CCDC63: variants seen among roughly 807,000 people sequenced by gnomAD.
CCDC63 encodes the protein coiled-coil domain-containing protein 63.
Under a neutral mutation model 63.6 loss-of-function variants are expected in CCDC63, and 54 were observed. The observed-to-expected ratio is 0.85, with a 90% confidence interval of 0.68 to 1.07. The LOEUF (loss-of-function observed/expected upper bound fraction) is 1.07, where lower values mean the gene tolerates loss of function less well. Ranked by LOEUF, CCDC63 falls within the 50% of genes least tolerant of loss-of-function variation. CCDC63 has a pLI of 0.00. For missense variants in CCDC63, 637 were observed against 689.6 expected (o/e 0.92, Z 0.86); for synonymous variants, 253 against 266.1 (o/e 0.95, Z 0.48).
intron 8 of CCDC63, among the ~76,000 whole-genome samples, chr12:110,890,773 CTTTTTTTTT>C (rs769120162): frequency 5.1e-5 from 5 of 98,400 alleles, no homozygotes; most frequent in African/African-American, 1.2e-4. Flanking sequence ...TCCTCCTTTT[CTTTTTTTTT>C]TTTTTTTTTT....
intron 3 of CCDC63, among the ~76,000 whole-genome samples, chr12:110,857,281 C>A (rs112189206): frequency 0.054 from 8,164 of 151,826 alleles, 427 homozygotes; most frequent in African/African-American, 0.14. Flanking sequence ...GCCCACCACC[C>A]CCCCCGGCTA....
intron 4 of CCDC63, among the ~76,000 whole-genome samples, chr12:110,866,933 TGGCCGGGCGGGG>T: frequency 6.9e-6 from 1 of 145,168 alleles, no homozygotes; most frequent in African/African-American, 2.5e-5. Flanking sequence ...ACGGGGCGGC[TGGCCGGGCGGGG>T]GGCTGACCCC....
intron 8 of CCDC63, among the ~76,000 whole-genome samples, chr12:110,891,646 AAAAAAAAAAG>A (rs2071358452): frequency 6.6e-6 from 1 of 151,244 alleles, no homozygotes; most frequent in Non-Finnish European, 1.5e-5. Context: ...AAAAAAAAAA[AAAAAAAAAAG>A]AAGAAGAAGA....
chr12:110,844,543 T>C (rs1447259908), upstream of CCDC63, among the ~76,000 whole-genome samples: 1 of 152,218 alleles, frequency 6.6e-6, no homozygotes, highest in Non-Finnish European at 1.5e-5. Flanking sequence ...CCCCAAGTTC[T>C]TCCTTTCTGT....
chr12:110,848,213 T>C (rs1189363058), intron 1 of CCDC63, among the ~76,000 whole-genome samples: 8 of 151,780 alleles, frequency 5.3e-5, no homozygotes, highest in Non-Finnish European at 2.9e-5. Flanking sequence ...GCCAGGAGAG[T>C]GAGTGCATGA....
intron 3 of CCDC63, among the ~76,000 whole-genome samples, chr12:110,854,953 C>T (rs1566115283): frequency 1.3e-5 from 2 of 152,074 alleles, no homozygotes; most frequent in African/African-American, 4.8e-5. Flanking sequence ...CGTGTGCCAG[C>T]ACGCCTGGCT....
chr12:110,867,530 A>G (rs1463019993), intron 4 of CCDC63, among the ~76,000 whole-genome samples: 1 of 83,704 alleles, frequency 1.2e-5, no homozygotes, highest in Admixed American at 1.3e-4. Flanking sequence ...CGGGGGGCTG[A>G]CCCCCCCACC....
In CCDC63 at chr12:110,874,003, C is replaced by T. The variant is rs140111888; in HGVS notation, c.489+42C>T. On this transcript the variant is annotated intron_variant, in intron 5 of 11. Coordinates refer to ENST00000308208, the MANE Select transcript of CCDC63 (RefSeq NM_152591.3). ...CTGCAGCTCTGCAAACAGCTCTGCC[C>T]ACGTTTGCTCAGAACAAAAATGATG... 25 of 1,571,788 alleles carry T rather than the reference C, an allele frequency of 1.6e-5. No homozygotes were observed. In the African/African-American group the frequency reaches 2.9e-4, roughly 18 times the overall value.
intron 5 of CCDC63, 96 bp from the exon 6 acceptor site, chr12:110,879,810 G>A (rs558774870): frequency 8.4e-7 from 1 of 1,196,942 alleles, no homozygotes; most frequent in South Asian, 1.4e-5. Context: ...TGCGTATGAG[G>A]TGGGGCAAAG....
chr12:110,873,228 C>T (rs1460323779), intron 4 of CCDC63, among the ~76,000 whole-genome samples: 1 of 151,864 alleles, frequency 6.6e-6, no homozygotes, highest in Non-Finnish European at 1.5e-5. Context: ...AGAGTGAGAC[C>T]CTGTCTCAAA....
At chr12:110,854,255 CTTT>C (rs59793950) in intron 3 of CCDC63, among the ~76,000 whole-genome samples, 15 of 106,736 alleles carry the variant, frequency 1.4e-4, no homozygotes, top group Admixed American at 2.2e-4. Flanking sequence ...CATTTCTTTT[CTTT>C]TTTTTTTTTT....
chr12:110,853,723 C>A, intron 3 of CCDC63, 149 bp downstream of exon 3: 1 of 802,156 alleles, frequency 1.2e-6, no homozygotes, highest in Non-Finnish European at 2.0e-6. Context: ...ATCTGCAGAG[C>A]CTAGTTTCAA....
intron 6 of CCDC63, 131 bp from the exon 7 acceptor site, chr12:110,880,984 C>T (rs756300919): frequency 7.8e-6 from 6 of 771,308 alleles, no homozygotes; most frequent in Non-Finnish European, 1.2e-5. Context: ...TGTTTTTACA[C>T]ACCGAGAAAC....
chr12:110,844,769 AC>A (rs1479050654), upstream of CCDC63, among the ~76,000 whole-genome samples: 3 of 152,206 alleles, frequency 2.0e-5, no homozygotes. Flanking sequence ...AAGGACTGTT[AC>A]CTGAACAAAT....
intron 4 of CCDC63, among the ~76,000 whole-genome samples, chr12:110,872,598 G>T (rs2071081115): frequency 6.6e-6 from 1 of 152,148 alleles, no homozygotes; most frequent in Non-Finnish European, 1.5e-5. Flanking sequence ...GGAAAATTCT[G>T]TGTGTGTACA....
chr12:110,867,848 T>C (rs2070993096), intron 4 of CCDC63, among the ~76,000 whole-genome samples: 1 of 151,510 alleles, frequency 6.6e-6, no homozygotes, highest in African/African-American at 2.4e-5. Flanking sequence ...GCCCCTCACC[T>C]CCCGGACGGG....
At chr12:110,855,297 G>C (rs2136645555) in intron 3 of CCDC63, among the ~76,000 whole-genome samples, 1 of 152,262 alleles carries the variant, frequency 6.6e-6, no homozygotes, top group Non-Finnish European at 1.5e-5. Flanking sequence ...ACAAAACAGT[G>C]GTGTGTTTTC....
intron 4 of CCDC63, among the ~76,000 whole-genome samples, chr12:110,863,949 G>C (rs564554099): frequency 3.3e-5 from 5 of 152,358 alleles, no homozygotes; most frequent in African/African-American, 7.2e-5. Flanking sequence ...GCAGTCATCA[G>C]CTGGCATCAG....
chr12:110,867,263 G>T (rs2070973134), intron 4 of CCDC63, among the ~76,000 whole-genome samples: 1 of 103,184 alleles, frequency 9.7e-6, no homozygotes. Flanking sequence ...GCGGCTGGCC[G>T]GGCAGAGGGG....
Sources: allele counts gnomAD v4.1 joint callset (sites outside exome capture counted in the v4.1 genomes callset), GRCh38; gene constraint gnomAD v4.1.1; transcripts MANE v1.5; gene names NCBI Gene and HGNC (gene_info 2026-07-23, HGNC 2026-07-21).